RPTOR: variants seen among roughly 807,000 people sequenced by gnomAD.
The protein encoded by RPTOR is regulatory associated protein of MTOR complex 1, also known as regulatory-associated protein of mTOR.
Under a neutral mutation model 169.9 loss-of-function variants are expected in RPTOR, and 21 were observed. That is an observed-to-expected ratio of 0.12 (90% confidence interval 0.09 to 0.18). RPTOR has a LOEUF of 0.18. Among genes scored for constraint, RPTOR ranks in the 10% least tolerant of loss-of-function variants. The pLI, the probability that RPTOR is intolerant of heterozygous loss-of-function variation, is 1.00. For synonymous variants in RPTOR, 732 were observed against 753.2 expected (o/e 0.97, Z 0.46); for missense variants, 1,133 against 1,855.9 (o/e 0.61, Z 7.16).
At chr17:80,681,410 G>C (rs887213236) in intron 3 of RPTOR, among the ~76,000 whole-genome samples, 8 of 152,190 alleles carry the variant, frequency 5.3e-5, no homozygotes, top group Non-Finnish European at 1.2e-4. Flanking sequence ...CGTGCGTGCT[G>C]TGTGCATTCC....
intron 5 of RPTOR, among the ~76,000 whole-genome samples, chr17:80,747,403 G>T (rs1360299426): frequency 6.6e-6 from 1 of 152,194 alleles, no homozygotes; most frequent in Non-Finnish European, 1.5e-5. Context: ...CTTGCTGTTG[G>T]AACCTCTGCA....
intron 7 of RPTOR, among the ~76,000 whole-genome samples, chr17:80,793,630 C>T (rs2143503255): frequency 6.6e-6 from 1 of 152,202 alleles, no homozygotes; most frequent in Admixed American, 6.5e-5. Context: ...CCCCTGGTCA[C>T]CTGTGTCTGT....
chr17:80,570,495 C>G (rs1158171549), intron 1 of RPTOR, among the ~76,000 whole-genome samples: 3 of 152,108 alleles, frequency 2.0e-5, no homozygotes, highest in African/African-American at 7.2e-5. Context: ...GAGTCTCACT[C>G]TGTCACCCAG....
At chr17:80,690,706 T>C (rs530899894) in intron 3 of RPTOR, among the ~76,000 whole-genome samples, 1 of 152,306 alleles carries the variant, frequency 6.6e-6, no homozygotes, top group East Asian at 1.9e-4. Context: ...TACTTTAGGA[T>C]ATCTGATAGT....
At chr17:80,565,028 T>G (rs2084561770) in intron 1 of RPTOR, among the ~76,000 whole-genome samples, 1 of 152,252 alleles carries the variant, frequency 6.6e-6, no homozygotes, top group Non-Finnish European at 1.5e-5. Context: ...CTGTCATTGA[T>G]GGACATTTAG....
rs750190401 is a variant in RPTOR at position 80,739,689 on chromosome 17, C to T, written c.654+8983C>T. Among the ~76,000 whole-genome samples, 5 of 151,594 alleles carry T rather than the reference C, an allele frequency of 3.3e-5. No individual in the cohort carries two copies. The South Asian group carries it at 6.3e-4, about 19-fold the overall frequency. ...AAAAACTGTGAAAAAAATTAAACAACGTATTTCTAAATAATGGGTCAGAAG... is the reference window on the plus strand; with the variant it reads ...AAAAACTGTGAAAAAAATTAAACAATGTATTTCTAAATAATGGGTCAGAAG... On this transcript the variant is annotated intron_variant, in intron 5 of 33. Coordinates refer to ENST00000306801, the MANE Select transcript of RPTOR (RefSeq NM_020761.3).
At position 80,623,736 on chromosome 17, in the gene RPTOR, A is replaced by C. The variant is rs556946780; in HGVS notation, c.163-1955A>C. 8.5e-5 allele frequency among the ~76,000 whole-genome samples: 13 copies of C among 152,080 alleles called. No individual in the cohort carries two copies. The East Asian group carries it at 2.3e-3, about 27-fold the overall frequency. ...TTTTTAGTAGAGACGAGGTTTCACC[A>C]TGTTGGCCAGGCTGATCTTGAACTC... On this transcript the variant is annotated intron_variant, in intron 1 of 33. Transcript: ENST00000306801.
intron 17 of RPTOR, among the ~76,000 whole-genome samples, chr17:80,887,732 C>G (rs890435159): frequency 6.6e-6 from 1 of 152,174 alleles, no homozygotes; most frequent in Non-Finnish European, 1.5e-5. Flanking sequence ...AAGGTTACAT[C>G]CATCCTACTT....
chr17:80,611,231 A>G (rs1283479749), intron 1 of RPTOR, among the ~76,000 whole-genome samples: 1 of 152,064 alleles, frequency 6.6e-6, no homozygotes, highest in Non-Finnish European at 1.5e-5. Flanking sequence ...TTGTTTTTGA[A>G]TCATTTGAAA....
intron 1 of RPTOR, among the ~76,000 whole-genome samples, chr17:80,547,983 T>A (rs529244083): frequency 6.6e-5 from 10 of 152,278 alleles, no homozygotes; most frequent in African/African-American, 2.2e-4. Context: ...TTTCTTTTAT[T>A]GTAAATATTC....
intron 20 of RPTOR, 122 bp downstream of exon 20, chr17:80,893,987 G>T: frequency 9.4e-7 from 1 of 1,062,996 alleles, no homozygotes; most frequent in African/African-American, 1.6e-5. Flanking sequence ...TCAAAAGAAA[G>T]AATAAAGGTC....
At chr17:80,789,761 C>G (rs1341434668) in intron 6 of RPTOR, among the ~76,000 whole-genome samples, 3 of 152,240 alleles carry the variant, frequency 2.0e-5, no homozygotes, top group African/African-American at 4.8e-5. Flanking sequence ...CAGAGTTACT[C>G]TCATTTTCTA....
chr17:80,914,058 T>A (rs1388728110), intron 21 of RPTOR, among the ~76,000 whole-genome samples: 2 of 152,268 alleles, frequency 1.3e-5, no homozygotes, highest in African/African-American at 2.4e-5. Flanking sequence ...GCTGCCTCTG[T>A]TGCAGGACTC....
chr17:80,920,495 G>A (rs569604115), intron 21 of RPTOR, among the ~76,000 whole-genome samples: 1 of 152,312 alleles, frequency 6.6e-6, no homozygotes, highest in East Asian at 1.9e-4. Context: ...ATAACCCCAG[G>A]GGCTGCGAGA....
intron 26 of RPTOR, among the ~76,000 whole-genome samples, chr17:80,946,955 C>G (rs1292461576): frequency 1.3e-5 from 2 of 152,200 alleles, no homozygotes; most frequent in Non-Finnish European, 2.9e-5. Flanking sequence ...CTCCAATTTC[C>G]CACATCCTTG....
At chr17:80,790,959 T>A (rs180758417) in intron 6 of RPTOR, among the ~76,000 whole-genome samples, 1 of 152,328 alleles carries the variant, frequency 6.6e-6, no homozygotes, top group East Asian at 1.9e-4. Context: ...AGGATGGACC[T>A]GCGTCAGACA....
At chr17:80,773,470 C>G (rs532943407) in intron 6 of RPTOR, among the ~76,000 whole-genome samples, 41 of 152,270 alleles carry the variant, frequency 2.7e-4, no homozygotes, top group African/African-American at 9.6e-4. Flanking sequence ...TTTTCTTCTT[C>G]TTTCTCACTC....
At chr17:80,683,750 A>C (rs544320951) in intron 3 of RPTOR, among the ~76,000 whole-genome samples, 1 of 152,194 alleles carries the variant, frequency 6.6e-6, no homozygotes, top group East Asian at 1.9e-4. Flanking sequence ...GCCACCCTCC[A>C]AGCTCACTCC....
In RPTOR at chr17:80,707,240, G is replaced by A. The variant is rs1325745848; in HGVS notation, c.349-601G>A. 6.6e-6 allele frequency among the ~76,000 whole-genome samples: 1 copy of A among 152,166 alleles called. No homozygotes were observed. Among genetic ancestry groups the A allele is most frequent in the Non-Finnish European group, 1.5e-5 (1 of 68,046 alleles). On this transcript the variant is annotated intron_variant, in intron 3 of 33. Transcript: ENST00000306801. This position sits in a 1 kb window ranked among gnomAD's most constrained non-coding sequence, Gnocchi z 5.0. ...TGCTCCAGATGTTTTCAGAAGGACC[G>A]CGTACTTCTGAGAAACACTTGGTAC... is the stretch of plus-strand genomic sequence containing the variant.
Sources: gnomAD v4.1 joint callset for allele counts (sites outside exome capture counted in the v4.1 genomes callset) on GRCh38, gnomAD v4.1.1 for gene constraint, Gnocchi (gnomAD v3.1) non-coding constraint, MANE v1.5 for transcripts, NCBI Gene and HGNC (gene_info 2026-07-23, HGNC 2026-07-21) for gene names.